DPY19L3: variants seen among roughly 807,000 people sequenced by gnomAD.
The protein encoded by DPY19L3 is dpy-19 like C-mannosyltransferase 3.
In DPY19L3, 51 loss-of-function variants were observed where a neutral mutation model predicts 92.3. The observed-to-expected ratio is 0.55, with a 90% CI of 0.44 to 0.70. The LOEUF (loss-of-function observed/expected upper bound fraction) is 0.70. Ranked by LOEUF, DPY19L3 falls within the 30% of genes least tolerant of loss-of-function variation. The pLI, the probability that DPY19L3 is intolerant of heterozygous loss-of-function variation, is 0.00. For missense variants in DPY19L3, 706 were observed against 855.9 expected, an observed-to-expected ratio of 0.82 and a Z score of 2.18; for synonymous variants, 309 against 315.2, an observed-to-expected ratio of 0.98 and a Z score of 0.21.
chr19:32,476,879 T>TTTGTTG (rs142648662), intron 16 of DPY19L3, among the ~76,000 whole-genome samples: 142 of 152,190 alleles, frequency 9.3e-4, no homozygotes, highest in African/African-American at 3.3e-3. Flanking sequence ...GTTTCCATGT[T>TTTGTTG]TTGTTGTTGT....
chr19:32,425,707 C>G (rs1233945824), intron 3 of DPY19L3, among the ~76,000 whole-genome samples: 1 of 151,246 alleles, frequency 6.6e-6, no homozygotes, highest in African/African-American at 2.4e-5. Flanking sequence ...TTTTTTTTTT[C>G]TGTGTAGTAG....
At chr19:32,418,115 C>A (rs941366965) in intron 3 of DPY19L3, among the ~76,000 whole-genome samples, 5 of 152,194 alleles carry the variant, frequency 3.3e-5, no homozygotes, top group Non-Finnish European at 7.3e-5. Flanking sequence ...CAGTTTGTGT[C>A]TGTGCCTCAG....
intron 8 of DPY19L3, among the ~76,000 whole-genome samples, chr19:32,441,339 C>A (rs1969316208): frequency 1.3e-5 from 2 of 152,076 alleles, no homozygotes; most frequent in African/African-American, 4.8e-5. Context: ...TTAGTTCCCC[C>A]ATATTTTTTT....
At chr19:32,429,494 T>G (rs1483440320) in intron 3 of DPY19L3, among the ~76,000 whole-genome samples, 1 of 152,232 alleles carries the variant, frequency 6.6e-6, no homozygotes, top group Admixed American at 6.5e-5. Context: ...TACCAATTAA[T>G]CATGTTTGAA....
At position 32,485,027 on chromosome 19, in the gene DPY19L3, C is replaced by G. The variant is rs1178575588; in HGVS notation, c.*2787C>G. On this transcript the variant is annotated 3_prime_UTR_variant, in exon 19 of 19. Transcript: ENST00000392250. The stretch of plus-strand genomic sequence containing the variant: ...AACCTCTAAACTGAGAAGAAGGGAC[C>G]CAAATCATGTTATTGGTGTGATTTA... 1 of 152,062 alleles carries G rather than the reference C, an allele frequency of 6.6e-6. No homozygotes were observed. Among genetic ancestry groups the G allele is most frequent in the East Asian group, 1.9e-4 (1 of 5,200 alleles). The allele number at this position is 152,062 out of a possible 1,614,324, so 9.4% of individuals were successfully genotyped here. A position where few individuals can be genotyped will look rare whatever the true frequency, so the allele number is the denominator to read the frequency against.
intron 10 of DPY19L3, among the ~76,000 whole-genome samples, chr19:32,456,085 T>TTC (rs1295245407): frequency 9.2e-6 from 1 of 108,716 alleles, no homozygotes; most frequent in Non-Finnish European, 2.0e-5. Flanking sequence ...TGTTCTTTTT[T>TTC]TTTTTTTTTT....
At chr19:32,449,116 G>T (rs1295939383) in intron 8 of DPY19L3, among the ~76,000 whole-genome samples, 2 of 152,094 alleles carry the variant, frequency 1.3e-5, no homozygotes, top group East Asian at 3.9e-4. Flanking sequence ...GCAAATCCAT[G>T]AGAAAACCAT....
intron 10 of DPY19L3, among the ~76,000 whole-genome samples, chr19:32,456,849 C>CAAAAATT (rs144070461): frequency 6.6e-6 from 1 of 151,902 alleles, no homozygotes; most frequent in South Asian, 2.1e-4. Flanking sequence ...TATATGCCCA[C>CAAAAATT]AAAAATTAAA....
At chr19:32,411,642 A>G (rs12608975) in intron 3 of DPY19L3, 3 of 404,056 alleles carry the variant, frequency 7.4e-6, no homozygotes, top group South Asian at 1.5e-4. Flanking sequence ...ATCTTGGCTC[A>G]CTACAACCTC....
At chr19:32,475,710 T>C (rs1475844754) in intron 16 of DPY19L3, among the ~76,000 whole-genome samples, 1 of 152,248 alleles carries the variant, frequency 6.6e-6, no homozygotes, top group Non-Finnish European at 1.5e-5. Context: ...AGGAATTCTG[T>C]GCACCTTCAC....
At position 32,480,738 on chromosome 19, in the gene DPY19L3, G is replaced by A. The variant is rs184050011; in HGVS notation, c.1989+181G>A. On this transcript the variant is annotated intron_variant, in intron 18 of 18. Transcript: ENST00000392250. Reference sequence around the variant, plus strand: ...TCTTGGCACTTTAGTGACTGCCACCGGGGCTGGGCAAGGGAGAGGTGAGAG... The same window carrying A: ...TCTTGGCACTTTAGTGACTGCCACCAGGGCTGGGCAAGGGAGAGGTGAGAG... 3.5e-4 allele frequency: 294 copies of A among 846,070 alleles called. 1 individual carries two copies. The highest frequency in any genetic ancestry group is 4.5e-4 in the Non-Finnish European group (252 of 564,242). The allele number at this position is 846,070 out of a possible 1,614,324, so 52.4% of individuals were successfully genotyped here. A position where few individuals can be genotyped will look rare whatever the true frequency, so the allele number is the denominator to read the frequency against.
chr19:32,445,693 C>G (rs1969475573), intron 8 of DPY19L3, among the ~76,000 whole-genome samples: 1 of 152,062 alleles, frequency 6.6e-6, no homozygotes, highest in Non-Finnish European at 1.5e-5. Context: ...TTTTCTTATT[C>G]TCTTGAGTTT....
chr19:32,454,314 C>T (rs1331913360), intron 9 of DPY19L3, among the ~76,000 whole-genome samples: 2 of 152,144 alleles, frequency 1.3e-5, no homozygotes, highest in Non-Finnish European at 1.5e-5. Flanking sequence ...GTGGCTCACA[C>T]CTGTAATCCC....
intron 4 of DPY19L3, among the ~76,000 whole-genome samples, chr19:32,433,299 T>G (rs367709517): frequency 6.6e-6 from 1 of 152,226 alleles, no homozygotes; most frequent in African/African-American, 2.4e-5. Flanking sequence ...CATGGATCTC[T>G]TCTACCTAGT....
At chr19:32,426,178 T>A (rs562896713) in intron 3 of DPY19L3, among the ~76,000 whole-genome samples, 2 of 152,344 alleles carry the variant, frequency 1.3e-5, no homozygotes, top group East Asian at 3.9e-4. Flanking sequence ...CTCTGCTAGC[T>A]TCCAGCTTTT....
rs868532940 is a variant in DPY19L3, at chr19:32,464,042, C to T, written c.1557+62C>T. 2.3e-5 allele frequency: 27 copies of T among 1,155,442 alleles called. 1 individual carries two copies. The Middle Eastern group carries it at 2.2e-3, about 92-fold the overall frequency. 71.6% of individuals were successfully genotyped at this position (1,155,442 alleles called of 1,614,324 possible). ...TTGCAGTATTTCTTTCATACCACTT[C>T]TTTTTTTGTTTTTCAGTAGCTGTGA... is the stretch of plus-strand genomic sequence containing the variant. On this transcript the variant is annotated intron_variant, in intron 14 of 18. Transcript: ENST00000392250.
chr19:32,457,665 C>T (rs2084208009), intron 10 of DPY19L3, among the ~76,000 whole-genome samples: 1 of 152,188 alleles, frequency 6.6e-6, no homozygotes. Flanking sequence ...GTGAATAAGT[C>T]TTGGATCAAT....
At chr19:32,428,337 TA>T (rs546315422) in intron 3 of DPY19L3, among the ~76,000 whole-genome samples, 25 of 151,844 alleles carry the variant, frequency 1.6e-4, no homozygotes, top group East Asian at 1.6e-3. Flanking sequence ...TTGTTTTTTT[TA>T]AAAAAAAGCA....
At position 32,482,481 on chromosome 19, in the gene DPY19L3, C is replaced by G; in HGVS notation, c.*241C>G. Reference sequence around the variant, plus strand: ...CTTTAGCCTAAATGTTAACAACTTTCTAAGAGTGACCTAGAATTATGTTGT... The same window carrying G: ...CTTTAGCCTAAATGTTAACAACTTTGTAAGAGTGACCTAGAATTATGTTGT... On this transcript the variant is annotated 3_prime_UTR_variant, in exon 19 of 19. Transcript: ENST00000392250. The G allele has an allele frequency of 2.3e-6, 1 of 427,118 alleles. No homozygotes were observed. The allele number at this position is 427,118 out of a possible 1,614,324, so 26.5% of individuals were successfully genotyped here.
Sources: gnomAD v4.1 joint callset for allele counts (sites outside exome capture counted in the v4.1 genomes callset) on GRCh38, gnomAD v4.1.1 for gene constraint, MANE v1.5 for transcripts, NCBI Gene and HGNC (gene_info 2026-07-23, HGNC 2026-07-21) for gene names.